Variants in CAST observed in about 807,000 individuals in gnomAD.
CAST encodes the protein MIR583 host.
CAST carries 76 observed loss-of-function variants against 119.6 expected under a neutral mutation model. The ratio of observed to expected loss-of-function variants is 0.64; its 90% CI spans 0.53 to 0.77. The LOEUF (loss-of-function observed/expected upper bound fraction) is 0.77, where lower values mean the gene tolerates loss of function less well. Ranked by LOEUF, CAST falls within the 30% of genes least tolerant of loss-of-function variation. CAST has a pLI of 0.00. For missense variants in CAST, 953 were observed against 946.5 expected (o/e 1.01, Z -0.09); for synonymous variants, 319 against 331.6 (o/e 0.96, Z 0.41).
At chr5:96,733,087 A>C (rs1224326051) in intron 9 of CAST, among the ~76,000 whole-genome samples, 1 of 152,236 alleles carries the variant, frequency 6.6e-6, no homozygotes, top group East Asian at 1.9e-4. Context: ...GAGAAAAGGC[A>C]CATTATTTTA....
chr5:96,318,374 G>A, the CAST span: 13 of 152,280 alleles, frequency 8.5e-5, 1 homozygote, highest in East Asian at 1.5e-3. Context: ...GCTTTTTGCC[G>A]ATGTATTGGC....
At chr5:96,193,994 C>T in the CAST span, among the ~76,000 whole-genome samples, 5 of 152,106 alleles carry the variant, frequency 3.3e-5, no homozygotes, top group East Asian at 5.8e-4. Flanking sequence ...AGCAGGTTGA[C>T]CAATCATAGC....
the CAST span, among the ~76,000 whole-genome samples, chr5:96,128,317 T>C: frequency 1.3e-5 from 2 of 152,078 alleles, no homozygotes; most frequent in African/African-American, 4.8e-5. Context: ...GAGCGTTTAT[T>C]TTGGTTTTAA....
chr5:96,396,277 T>C, the CAST span, among the ~76,000 whole-genome samples: 1 of 152,282 alleles, frequency 6.6e-6, no homozygotes, highest in African/African-American at 2.4e-5. Context: ...AAAAGTTATC[T>C]AGGCCGGGTG....
the CAST span, among the ~76,000 whole-genome samples, chr5:95,987,292 T>C: frequency 4.1e-4 from 63 of 152,156 alleles, no homozygotes; most frequent in African/African-American, 1.2e-3. Flanking sequence ...TTTCTTTTTT[T>C]TCTCTCTCTC....
the CAST span, among the ~76,000 whole-genome samples, chr5:96,284,538 C>T: frequency 3.3e-5 from 5 of 152,280 alleles, no homozygotes; most frequent in South Asian, 4.1e-4. Context: ...GGACTTCCAT[C>T]GGGGTAGTGT....
At chr5:96,741,426 T>C in intron 14 of CAST, 68 bp downstream of exon 14, 1 of 1,476,192 alleles carries the variant, frequency 6.8e-7, no homozygotes, top group Non-Finnish European at 9.5e-7. Flanking sequence ...GAATAACTTT[T>C]TAGTTCAGGC....
intron 3 of CAST, among the ~76,000 whole-genome samples, chr5:96,717,613 A>C (rs530409102): frequency 3.3e-5 from 5 of 152,342 alleles, no homozygotes; most frequent in African/African-American, 1.2e-4. Flanking sequence ...CAACTTGCTC[A>C]AGGTTGCATG....
intron 1 of CAST, among the ~76,000 whole-genome samples, chr5:96,653,813 AAAAT>A (rs1209954294): frequency 6.6e-6 from 1 of 152,248 alleles, no homozygotes; most frequent in East Asian, 1.9e-4. Flanking sequence ...ACTGAAAAGC[AAAAT>A]AAATAAATAA....
intron 1 of CAST, among the ~76,000 whole-genome samples, chr5:96,612,224 T>G (rs948641793): frequency 6.6e-6 from 1 of 152,192 alleles, no homozygotes; most frequent in African/African-American, 2.4e-5. Flanking sequence ...ATGAGATACT[T>G]AGACACTATG....
chr5:96,682,336 C>A (rs2150267695), intron 2 of CAST, among the ~76,000 whole-genome samples: 1 of 152,282 alleles, frequency 6.6e-6, no homozygotes, highest in Non-Finnish European at 1.5e-5. Context: ...TTTGAAACTT[C>A]TAATACAGGT....
rs549507249 is a variant in CAST at position 96,715,345 on chromosome 5, C to A, written c.211-7294C>A. On this transcript the variant is annotated intron_variant, in intron 3 of 31. Coordinates refer to ENST00000675179, the MANE Select transcript of CAST (RefSeq NM_001750.7). Reference sequence around the variant, plus strand: ...CTGTTTTGCTCACCTAGAATGCCTGCCTGATCCAGCCTCTATCTACACATT... The same window carrying A: ...CTGTTTTGCTCACCTAGAATGCCTGACTGATCCAGCCTCTATCTACACATT... Among the ~76,000 whole-genome samples, 9 of 131,774 alleles carry A rather than the reference C, an allele frequency of 6.8e-5. No homozygotes were observed. In the South Asian group the frequency reaches 9.8e-4, roughly 14 times the overall value. 86.4% of individuals were successfully genotyped at this position (131,774 alleles called of 152,430 possible). A position where few individuals can be genotyped will look rare whatever the true frequency, so the allele number is the denominator to read the frequency against.
At chr5:96,415,839 T>G in the CAST span, among the ~76,000 whole-genome samples, 2 of 152,198 alleles carry the variant, frequency 1.3e-5, no homozygotes, top group Non-Finnish European at 2.9e-5. Flanking sequence ...TAGGCTATAT[T>G]CAACTATCCA....
the CAST span, among the ~76,000 whole-genome samples, chr5:96,310,489 T>G: frequency 6.6e-6 from 1 of 152,088 alleles, no homozygotes; most frequent in Admixed American, 6.6e-5. Context: ...TTTGTAAAAG[T>G]TTGTGGAGAA....
chr5:96,073,970 A>G, the CAST span, among the ~76,000 whole-genome samples: 1 of 152,218 alleles, frequency 6.6e-6, no homozygotes, highest in Non-Finnish European at 1.5e-5. Context: ...CCCCCATTCT[A>G]TGGTGTGCTG....
intron 1 of CAST, among the ~76,000 whole-genome samples, chr5:96,587,737 A>G (rs554808512): frequency 1.3e-5 from 2 of 152,330 alleles, no homozygotes; most frequent in African/African-American, 4.8e-5. Context: ...ATCAGGAGGA[A>G]ATGCTGATTG....
chr5:96,378,698 C>T, the CAST span, among the ~76,000 whole-genome samples: 1 of 152,022 alleles, frequency 6.6e-6, no homozygotes, highest in Non-Finnish European at 1.5e-5. Context: ...ACTTTTGGCA[C>T]ATACTGCAAA....
chr5:96,525,807 A>G (rs558706416), upstream of CAST, among the ~76,000 whole-genome samples: 35 of 152,340 alleles, frequency 2.3e-4, no homozygotes, highest in Non-Finnish European at 4.6e-4. Context: ...AAGGTTGGCA[A>G]TCTTTGAAAA....
intron 3 of CAST, chr5:96,703,062 G>A (rs1754193052): frequency 2.3e-6 from 1 of 426,406 alleles, no homozygotes; most frequent in Non-Finnish European, 3.1e-6. Flanking sequence ...TCCTACTATC[G>A]CGACCCTGGC....
Sources: allele counts gnomAD v4.1 joint callset (sites outside exome capture counted in the v4.1 genomes callset), GRCh38; gene constraint gnomAD v4.1.1; transcripts MANE v1.5; gene names NCBI Gene and HGNC (gene_info 2026-07-23, HGNC 2026-07-21).